Variants in CELSR1 observed in about 807,000 individuals in gnomAD.
The protein encoded by CELSR1 is adhesion G protein-coupled receptor C1.
In CELSR1, 110 loss-of-function variants were observed where a neutral mutation model predicts 249.1. The observed-to-expected ratio is 0.44, with a 90% confidence interval of 0.38 to 0.52. The LOEUF (loss-of-function observed/expected upper bound fraction) is 0.52. CELSR1 is among the 20% of genes least tolerant of loss of function. The pLI is 0.00. For synonymous variants in CELSR1, 2,113 were observed against 1,900.0 expected (o/e 1.11, Z -2.92); for missense variants, 4,109 against 4,296.4 (o/e 0.96, Z 1.22).
At chr22:46,498,276 A>C (rs1454017973) in intron 1 of CELSR1, among the ~76,000 whole-genome samples, 1 of 65,820 alleles carries the variant, frequency 1.5e-5, no homozygotes, top group Non-Finnish European at 3.2e-5. Context: ...AAAAAAAAAA[A>C]GCGAAACTCT....
rs1022157643 is a variant in CELSR1 at position 46,526,130 on chromosome 22, G to C, written c.3544+7497C>G. Among the ~76,000 whole-genome samples the C allele has an allele frequency of 3.9e-5, 6 of 152,212 alleles. No homozygotes were observed. The highest frequency in any genetic ancestry group is 3.9e-4 in the Admixed American group (6 of 15,282). ...GTGAGTCCATGTCCCGTGGACCTGT[G>C]GCCCCTTCCATTCTCCCAGGCCCCT... On this transcript the variant is annotated intron_variant, in intron 1 of 34. Coordinates refer to ENST00000674500, the MANE Select transcript of CELSR1 (RefSeq NM_001378328.1). This position sits in a 1 kb window ranked among gnomAD's most constrained non-coding sequence, Gnocchi z 4.7.
intron 32 of CELSR1, 106 bp from the exon 33 acceptor site, chr22:46,364,842 G>T: frequency 1.8e-6 from 2 of 1,108,256 alleles, no homozygotes; most frequent in Non-Finnish European, 1.3e-6. Flanking sequence ...CCAACCTGCA[G>T]GCCTGGTAGG....
chr22:46,400,558 A>T (rs2079200331), intron 9 of CELSR1, among the ~76,000 whole-genome samples: 1 of 151,688 alleles, frequency 6.6e-6, no homozygotes, highest in Non-Finnish European at 1.5e-5. Context: ...AATCGCTTGA[A>T]CCTGGGAGTC....
intron 1 of CELSR1, among the ~76,000 whole-genome samples, chr22:46,501,648 G>A (rs183732936): frequency 7.0e-4 from 107 of 152,314 alleles, no homozygotes; most frequent in African/African-American, 2.6e-3. Flanking sequence ...AACACTGTAT[G>A]ATGTGCTTTT....
At chr22:46,489,149 C>A (rs1344359307) in intron 1 of CELSR1, among the ~76,000 whole-genome samples, 1 of 151,966 alleles carries the variant, frequency 6.6e-6, no homozygotes, top group South Asian at 2.1e-4. Flanking sequence ...GTTTGGAACC[C>A]GGCTTGGGGA....
chr22:46,531,062 T>C (rs972322609), intron 1 of CELSR1, among the ~76,000 whole-genome samples: 2 of 152,196 alleles, frequency 1.3e-5, no homozygotes, highest in Admixed American at 6.5e-5. Flanking sequence ...GGCTGATCTT[T>C]TTGTTTGGTC....
chr22:46,451,964 T>A (rs554640511), intron 2 of CELSR1, among the ~76,000 whole-genome samples: 54 of 152,250 alleles, frequency 3.5e-4, no homozygotes, highest in Admixed American at 2.9e-3. Flanking sequence ...AGGCAGAGCC[T>A]GGAGCCAGGC....
rs1409154324 is a variant in CELSR1 at position 46,398,683 on chromosome 22, C to T, written c.5413-46G>A. The T allele has an allele frequency of 6.9e-7, 1 of 1,453,488 alleles. No individual in the cohort carries two copies. The highest frequency in any genetic ancestry group is 2.0e-5 in the Admixed American group (1 of 50,834). The allele number at this position is 1,453,488 out of a possible 1,614,324, so 90.0% of individuals were successfully genotyped here. A position where few individuals can be genotyped will look rare whatever the true frequency, so the allele number is the denominator to read the frequency against. ...GGGATCTGGGGGCTGCATCCACCATCCTAGAAACGTCTCTCAGATGGGAAG... is the reference window on the plus strand; with the variant it reads ...GGGATCTGGGGGCTGCATCCACCATTCTAGAAACGTCTCTCAGATGGGAAG... On this transcript the variant is annotated intron_variant, in intron 10 of 34. Transcript: ENST00000674500. This position sits in a 1 kb window ranked among gnomAD's most constrained non-coding sequence, Gnocchi z 7.2.
At chr22:46,505,033 C>T (rs1028481773) in intron 1 of CELSR1, among the ~76,000 whole-genome samples, 14 of 151,896 alleles carry the variant, frequency 9.2e-5, no homozygotes, top group Non-Finnish European at 1.3e-4. Flanking sequence ...GAGGCCGAGG[C>T]GGGCGGATCA....
intron 1 of CELSR1, among the ~76,000 whole-genome samples, chr22:46,489,138 C>T (rs926698928): frequency 3.3e-5 from 5 of 152,006 alleles, no homozygotes; most frequent in South Asian, 2.1e-4. Flanking sequence ...GATTATTTCC[C>T]GTTTGGAACC....
Position 46,484,475 on chromosome 22 carries a change from C to A in CELSR1, c.3545-20130G>T, listed in dbSNP as rs2080295759. 6.6e-6 allele frequency among the ~76,000 whole-genome samples: 1 copy of A among 151,812 alleles called. No individual in the cohort carries two copies. Among genetic ancestry groups the A allele is most frequent in the South Asian group, 2.1e-4 (1 of 4,774 alleles). ...TGAAATCCCTTCCAGAATAATTTCACAGAGACCTCTTTTGAAATGCAAATA... is the reference window on the plus strand; with the variant it reads ...TGAAATCCCTTCCAGAATAATTTCAAAGAGACCTCTTTTGAAATGCAAATA... On this transcript the variant is annotated intron_variant, in intron 1 of 34. Transcript: ENST00000674500. The surrounding 1 kb of genome is among the most constrained non-coding windows in gnomAD (Gnocchi z 4.5).
At chr22:46,451,358 T>C (rs2079882408) in intron 2 of CELSR1, among the ~76,000 whole-genome samples, 1 of 152,186 alleles carries the variant, frequency 6.6e-6, no homozygotes, top group Non-Finnish European at 1.5e-5. Context: ...TGCATTAGTG[T>C]CTCTGAAACA....
chr22:46,385,975 C>CTTTTTTTTTTT (rs562430150), intron 19 of CELSR1, among the ~76,000 whole-genome samples: 1 of 137,680 alleles, frequency 7.3e-6, no homozygotes, highest in African/African-American at 2.9e-5. Flanking sequence ...CCGCGCCCGG[C>CTTTTTTTTTTT]TTTTTTTTTT....
Position 46,437,816 on chromosome 22 carries a change from G to T in CELSR1, c.4406+1373C>A, listed in dbSNP as rs1312274610. Among the ~76,000 whole-genome samples the T allele has an allele frequency of 6.6e-6, 1 of 151,792 alleles. No individual in the cohort carries two copies. Among genetic ancestry groups the T allele is most frequent in the Non-Finnish European group, 1.5e-5 (1 of 68,024 alleles). On this transcript the variant is annotated intron_variant, in intron 3 of 34. Coordinates refer to ENST00000674500, the MANE Select transcript of CELSR1 (RefSeq NM_001378328.1). This position sits in a 1 kb window ranked among gnomAD's most constrained non-coding sequence, Gnocchi z 4.9. Reference sequence around the variant, plus strand: ...CAAACCCCCTCTCTTTAGAATGCAAGCAAGAAATGACGACAAACACAAAGA... The same window carrying T: ...CAAACCCCCTCTCTTTAGAATGCAATCAAGAAATGACGACAAACACAAAGA...
Position 46,537,205 on chromosome 22 carries a change from C to T in CELSR1, c.-35G>A. 9.8e-7 allele frequency: 1 copy of T among 1,017,454 alleles called. No individual in the cohort carries two copies. Among genetic ancestry groups the T allele is most frequent in the Non-Finnish European group, 1.2e-6 (1 of 852,714 alleles). 63.0% of individuals were successfully genotyped at this position (1,017,454 alleles called of 1,614,324 possible). A position where few individuals can be genotyped will look rare whatever the true frequency, so the allele number is the denominator to read the frequency against. On this transcript the variant is annotated 5_prime_UTR_variant, in exon 1 of 35. Coordinates refer to ENST00000674500, the MANE Select transcript of CELSR1 (RefSeq NM_001378328.1). The surrounding 1 kb of genome is among the most constrained non-coding windows in gnomAD (Gnocchi z 5.8). ...CCCGAGCCCGAGCCGGGCGCCCGAA[C>T]ACAATCCATGCACCCGGCGCGCCTC...
rs2080863480 is a variant in CELSR1, at chr22:46,536,837, G to T, written c.334C>A (p.Pro112Thr). 8.2e-7 allele frequency: 1 copy of T among 1,224,846 alleles called. No homozygotes were observed. The highest frequency in any genetic ancestry group is 4.1e-5 in the Admixed American group (1 of 24,492). The allele number at this position is 1,224,846 out of a possible 1,614,324, so 75.9% of individuals were successfully genotyped here. The change falls in exon 1 of 35, where the codon CCC becomes ACC. Residue 112 changes from proline (P) to threonine (T), a missense_variant. Around this residue, in one of 7 missense-constraint regions of CELSR1, gnomAD observed 673 missense variants for 636.8 expected, o/e 1.06. Coordinates refer to ENST00000674500, the MANE Select transcript of CELSR1 (RefSeq NM_001378328.1). Reference sequence around the variant, plus strand: ...AGCCGGGCACGGGCTCCGCAGCCGGGAAGGTGCGTGCGCGCCCGCAGGCGG... The same window carrying T: ...AGCCGGGCACGGGCTCCGCAGCCGGTAAGGTGCGTGCGCGCCCGCAGGCGG... The part of the protein sequence containing the change: ...SRRLRARTHL[P>T]GCGARARLCG...
chr22:46,373,975 A>C (rs6008780), intron 24 of CELSR1, among the ~76,000 whole-genome samples: 11,568 of 152,194 alleles, frequency 0.076, 1,363 homozygotes, highest in African/African-American at 0.25. Context: ...GCCCCTGCTG[A>C]CACATCAGCC....
Position 46,526,667 on chromosome 22 carries a change from G to A in CELSR1, c.3544+6960C>T, listed in dbSNP as rs2080741620. Among the ~76,000 whole-genome samples, 1 of 152,086 alleles carries A rather than the reference G, an allele frequency of 6.6e-6. No individual in the cohort carries two copies. Among genetic ancestry groups the A allele is most frequent in the South Asian group, 2.1e-4 (1 of 4,820 alleles). On this transcript the variant is annotated intron_variant, in intron 1 of 34. Transcript: ENST00000674500. The surrounding 1 kb of genome is among the most constrained non-coding windows in gnomAD (Gnocchi z 4.7). ...TCAGCCTCCAGGGCCTGCACCCGTG[G>A]GCCCTCCCCTGCACGTGGTTATTCC...
rs1253527036 is a variant in CELSR1 at position 46,411,803 on chromosome 22, C to T, written c.4612-44G>A. ...CAGAAGGTGTCAGCGTTTTCTCCAC[C>T]AGTGCCCTCAGCAGGCGCACCTGTC... On this transcript the variant is annotated intron_variant, in intron 5 of 34. Transcript: ENST00000674500. This position sits in a 1 kb window ranked among gnomAD's most constrained non-coding sequence, Gnocchi z 4.2. 2 of 1,610,340 alleles carry T rather than the reference C, an allele frequency of 1.2e-6. No individual in the cohort carries two copies. The highest frequency in any genetic ancestry group is 1.7e-6 in the Non-Finnish European group (2 of 1,179,300).
Sources: gnomAD v4.1 joint callset for allele counts (sites outside exome capture counted in the v4.1 genomes callset) on GRCh38, gnomAD v4.1.1 for gene constraint, gnomAD v4.1.1 regional missense constraint, Gnocchi (gnomAD v3.1) non-coding constraint, MANE v1.5 for transcripts, NCBI Gene and HGNC (gene_info 2026-07-23, HGNC 2026-07-21) for gene names.